The following PCDHA7 variants were observed in gnomAD, a reference collection of about 807,000 sequenced individuals.
The protein encoded by PCDHA7 is protocadherin alpha 7, also known as protocadherin alpha-7.
Under a neutral mutation model 57.2 loss-of-function variants are expected in PCDHA7, and 37 were observed. The ratio of observed to expected loss-of-function variants is 0.65; its 90% confidence interval spans 0.50 to 0.85. The LOEUF (loss-of-function observed/expected upper bound fraction) is 0.85, where lower values mean the gene tolerates loss of function less well. Among genes scored for constraint, PCDHA7 ranks in the 40% least tolerant of loss-of-function variants. PCDHA7 has a pLI of 0.00. For missense variants in PCDHA7, 1,188 were observed against 1,241.8 expected, an observed-to-expected ratio of 0.96 and a Z score of 0.65; for synonymous variants, 553 against 558.8, an observed-to-expected ratio of 0.99 and a Z score of 0.15.
intron 3 of PCDHA7, among the ~76,000 whole-genome samples, chr5:141,005,325 A>G (rs1430982331): frequency 6.6e-6 from 1 of 152,226 alleles, no homozygotes; most frequent in Non-Finnish European, 1.5e-5. Context: ...GTAGAGAATA[A>G]TAGGCCAAGG....
At position 140,883,032 on chromosome 5, in the gene PCDHA7, C is replaced by G. The variant is rs2153389895; in HGVS notation, c.2355+46294C>G. The G allele has an allele frequency of 6.2e-6, 10 of 1,614,064 alleles. No individual in the cohort carries two copies. The South Asian group carries it at 8.8e-5, about 14-fold the overall frequency. ...TATAAAGTGACGGTGTTAGAGAACG[C>G]CTTCAATGGAACATTAGTGATCAAG... On this transcript the variant is annotated intron_variant, in intron 1 of 3. Transcript: ENST00000525929.
At chr5:140,884,659 A>G in intron 1 of PCDHA7, 1 of 1,597,068 alleles carries the variant, frequency 6.3e-7, no homozygotes, top group Non-Finnish European at 8.5e-7. Flanking sequence ...AATGCTTGAA[A>G]GAGGTAAGCT....
intron 3 of PCDHA7, among the ~76,000 whole-genome samples, chr5:141,000,522 G>A (rs1294045842): frequency 4.2e-5 from 6 of 143,688 alleles, no homozygotes; most frequent in African/African-American, 1.6e-4. Context: ...CCTTCTCCAG[G>A]GTTCAAGTGA....
intron 1 of PCDHA7, among the ~76,000 whole-genome samples, chr5:140,915,001 AGT>A (rs1563002922): frequency 6.9e-6 from 1 of 144,988 alleles, no homozygotes; most frequent in Non-Finnish European, 1.5e-5. Flanking sequence ...GCTGGAGTGC[AGT>A]GGCCTGATCT....
At chr5:140,966,505 A>T in intron 1 of PCDHA7, 1 of 427,984 alleles carries the variant, frequency 2.3e-6, no homozygotes, top group Non-Finnish European at 4.1e-6. Context: ...CTGTAGCGGC[A>T]GCAGCAGCAG....
chr5:140,908,208 C>A (rs1477430085), intron 1 of PCDHA7, among the ~76,000 whole-genome samples: 8 of 152,136 alleles, frequency 5.3e-5, no homozygotes, highest in Non-Finnish European at 1.0e-4. Context: ...TCATGCAGAA[C>A]CATCTGTGAA....
chr5:140,957,937 A>G (rs2095399590), intron 1 of PCDHA7, among the ~76,000 whole-genome samples: 1 of 152,112 alleles, frequency 6.6e-6, no homozygotes, highest in Admixed American at 6.5e-5. Flanking sequence ...AAATAATTTA[A>G]AGATCTTTAA....
chr5:140,929,207 G>T (rs782298445), intron 1 of PCDHA7: 2 of 1,614,106 alleles, frequency 1.2e-6, no homozygotes, highest in Non-Finnish European at 1.7e-6. Flanking sequence ...TTGCTGTTGC[G>T]TGGGGAGTAC....
chr5:140,842,721 A>T lies in PCDHA7; in HGVS notation c.2355+5983A>T, dbSNP rs1554139308. 4 of 1,594,916 alleles carry T rather than the reference A, an allele frequency of 2.5e-6. No individual in the cohort carries two copies. In the South Asian group the frequency reaches 4.4e-5, roughly 18 times the overall value. On this transcript the variant is annotated intron_variant, in intron 1 of 3. Coordinates refer to ENST00000525929, the MANE Select transcript of PCDHA7 (RefSeq NM_018910.3). Reference sequence around the variant, plus strand: ...GAGTACACGGTGTTCGTGAAGGAGAACAACCCGCCGGGCTGCCACATCTTC... The same window carrying T: ...GAGTACACGGTGTTCGTGAAGGAGATCAACCCGCCGGGCTGCCACATCTTC...
At chr5:140,873,755 T>C (rs1273886734) in intron 1 of PCDHA7, among the ~76,000 whole-genome samples, 1 of 152,098 alleles carries the variant, frequency 6.6e-6, no homozygotes, top group African/African-American at 2.4e-5. Flanking sequence ...CCACCTCCCA[T>C]GTTCAAGCAA....
chr5:140,967,873 C>T lies in PCDHA7; in HGVS notation c.2356-11076C>T, dbSNP rs1554230047. On this transcript the variant is annotated intron_variant, in intron 1 of 3. Transcript: ENST00000525929. ...ATGCCCCAGAGGTGGTGCTCACGGA[C>T]CTGTATAGCCCAGTGCCTGAGAATG... 1.9e-6 allele frequency: 3 copies of T among 1,614,152 alleles called. No homozygotes were observed. In the Admixed American group the frequency reaches 5.0e-5, roughly 27 times the overall value.
chr5:140,898,338 C>G (rs2066670384), intron 1 of PCDHA7, among the ~76,000 whole-genome samples: 2 of 152,188 alleles, frequency 1.3e-5, no homozygotes, highest in African/African-American at 2.4e-5. Flanking sequence ...ACGTTTAAGT[C>G]TTTAATCCAT....
chr5:140,870,524 T>C (rs1554164360), intron 1 of PCDHA7: 35 of 1,614,076 alleles, frequency 2.2e-5, no homozygotes, highest in Non-Finnish European at 2.8e-5. Context: ...TGCCACATCT[T>C]CACAGTGTCG....
chr5:140,857,255 T>C (rs1307623486), intron 1 of PCDHA7: 1 of 1,598,356 alleles, frequency 6.3e-7, no homozygotes, highest in Non-Finnish European at 8.6e-7. Context: ...CTACAAGAAT[T>C]ACTACTCATT....
At chr5:140,852,612 C>A (rs1177069451) in intron 1 of PCDHA7, 1 of 914,612 alleles carries the variant, frequency 1.1e-6, no homozygotes, top group Non-Finnish European at 1.3e-6. Flanking sequence ...TCTTTCAAAA[C>A]TTGAGTGGTC....
intron 1 of PCDHA7, chr5:140,851,486 C>A (rs2042075619): frequency 1.1e-6 from 1 of 886,576 alleles, no homozygotes; most frequent in Middle Eastern, 5.8e-4. Context: ...ATAAACACAG[C>A]CTTCATTTCA....
intron 3 of PCDHA7, among the ~76,000 whole-genome samples, chr5:141,004,523 A>G (rs934216851): frequency 3.3e-5 from 5 of 152,232 alleles, no homozygotes; most frequent in Admixed American, 2.0e-4. Flanking sequence ...CTCTGCCAAT[A>G]CACACAGCCA....
At chr5:140,836,935 T>C in intron 1 of PCDHA7, 197 bp downstream of exon 1, 1 of 475,564 alleles carries the variant, frequency 2.1e-6, no homozygotes. Context: ...CGTAATACTA[T>C]AGATCAAAAT....
In PCDHA7 at chr5:140,836,078, G is replaced by C. The variant is rs1179241173; in HGVS notation, c.1695G>C (p.Leu565=). The change falls in exon 1 of 4, where the codon CTG becomes CTC. Residue 565 remains leucine, a synonymous_variant. Transcript: ENST00000525929. ...ACGAGAACGACAACGCGCCGGCACTGCTGGCGCCTCGGGTGGGTGGCACTG... is the reference window on the plus strand; with the variant it reads ...ACGAGAACGACAACGCGCCGGCACTCCTGGCGCCTCGGGTGGGTGGCACTG... The part of the protein sequence containing the change: ...VLDENDNAPA[L]LAPRVGGTGG... 4 of 1,613,554 alleles carry C rather than the reference G, an allele frequency of 2.5e-6. No individual in the cohort carries two copies. The highest frequency in any genetic ancestry group is 3.4e-6 in the Non-Finnish European group (4 of 1,179,782).
Sources: allele counts gnomAD v4.1 joint callset (sites outside exome capture counted in the v4.1 genomes callset), GRCh38; gene constraint gnomAD v4.1.1; transcripts MANE v1.5; gene names NCBI Gene and HGNC (gene_info 2026-07-23, HGNC 2026-07-21).